The following NFYC variants were observed in gnomAD, a reference collection of about 807,000 sequenced individuals.
The protein encoded by NFYC is nuclear transcription factor Y subunit gamma, also known as CAAT box DNA-binding protein subunit C.
Under a neutral mutation model 53.1 loss-of-function variants are expected in NFYC, and 25 were observed. The ratio of observed to expected loss-of-function variants is 0.47; its 90% confidence interval spans 0.34 to 0.66. The LOEUF (loss-of-function observed/expected upper bound fraction) is 0.66, where lower values mean the gene tolerates loss of function less well. NFYC is among the 30% of genes least tolerant of loss of function. The pLI, the probability that NFYC is intolerant of heterozygous loss-of-function variation, is 0.01. For missense variants in NFYC, 260 were observed against 422.7 expected (o/e 0.62, Z 3.38); for synonymous variants, 145 against 152.6 (o/e 0.95, Z 0.37).
chr1:40,709,130 G>A (rs1643858289), intron 1 of NFYC, among the ~76,000 whole-genome samples: 2 of 152,310 alleles, frequency 1.3e-5, no homozygotes, highest in East Asian at 3.9e-4. Flanking sequence ...ACGCCTTAGA[G>A]TTCCCCATAG....
At chr1:40,754,484 C>G (rs1646101068) in intron 5 of NFYC, 1 of 523,894 alleles carries the variant, frequency 1.9e-6, no homozygotes, top group Non-Finnish European at 3.9e-6. Flanking sequence ...TGAAACATTG[C>G]AGGTTTGTGC....
intron 6 of NFYC, among the ~76,000 whole-genome samples, chr1:40,762,564 A>G (rs1646602998): frequency 6.6e-6 from 1 of 151,940 alleles, no homozygotes; most frequent in African/African-American, 2.4e-5. Flanking sequence ...GTTGCTTTTG[A>G]TTTTTTCTGT....
chr1:40,718,151 C>T, intron 1 of NFYC, among the ~76,000 whole-genome samples: 1 of 152,114 alleles, frequency 6.6e-6, no homozygotes, highest in East Asian at 1.9e-4. Flanking sequence ...TGAAGCTCCC[C>T]TTGAAGGTGG....
chr1:40,727,875 TAGA>T (rs35888850), intron 1 of NFYC, among the ~76,000 whole-genome samples: 32,548 of 151,842 alleles, frequency 0.21, 4,096 homozygotes, highest in South Asian at 0.41. Context: ...GAATCCTGTC[TAGA>T]AGGTTTTCAG....
chr1:40,726,125 G>GTGT (rs1359673815), intron 1 of NFYC, among the ~76,000 whole-genome samples: 1 of 126,370 alleles, frequency 7.9e-6, no homozygotes, highest in South Asian at 2.4e-4. Flanking sequence ...GTGTGTGTGT[G>GTGT]TTTTTTTTTG....
chr1:40,753,209 T>C lies in NFYC; in HGVS notation c.350T>C (p.Ile117Thr). Residue 117 changes from isoleucine (I) to threonine (T), a missense_variant, in exon 5 of 10, where the codon ATT becomes ACT. Physicochemically the swap from Ile to Thr is moderately conservative, Grantham distance 89. Coordinates refer to ENST00000447388, the MANE Select transcript of NFYC (RefSeq NM_014223.5). Reference protein sequence around the residue: ...KFDQFDFLIDIVPRDELKPPK... With the variant: ...KFDQFDFLIDTVPRDELKPPK... ...GATCAGTTTGATTTTCTCATCGATA[T>C]TGTTCCAAGAGATGAACTGAAACCT... 1 of 1,614,072 alleles carries C rather than the reference T, an allele frequency of 6.2e-7. No homozygotes were observed. Among genetic ancestry groups the C allele is most frequent in the Non-Finnish European group, 8.5e-7 (1 of 1,179,950 alleles).
intron 4 of NFYC, among the ~76,000 whole-genome samples, chr1:40,749,936 T>A (rs1645819993): frequency 6.6e-6 from 1 of 152,210 alleles, no homozygotes; most frequent in African/African-American, 2.4e-5. Flanking sequence ...AATTCTCTCC[T>A]GGTTTTCACA....
chr1:40,751,706 TTAAGTA>T (rs1259110380), intron 4 of NFYC, among the ~76,000 whole-genome samples: 1 of 152,194 alleles, frequency 6.6e-6, no homozygotes, highest in Non-Finnish European at 1.5e-5. Context: ...GAAGACCAAC[TTAAGTA>T]TATCTATGTT....
chr1:40,715,714 T>G (rs1644110902), intron 1 of NFYC, among the ~76,000 whole-genome samples: 1 of 152,144 alleles, frequency 6.6e-6, no homozygotes, highest in Non-Finnish European at 1.5e-5. Context: ...ACTTATAGTA[T>G]TTTTTCTAAA....
At chr1:40,734,128 G>A (rs980155422) in intron 1 of NFYC, among the ~76,000 whole-genome samples, 1 of 152,028 alleles carries the variant, frequency 6.6e-6, no homozygotes, top group African/African-American at 2.4e-5. Flanking sequence ...TGATTCTCCT[G>A]TCTCAGCCTC....
At chr1:40,747,857 T>TTTG (rs1645695292) in intron 3 of NFYC, among the ~76,000 whole-genome samples, 1 of 150,624 alleles carries the variant, frequency 6.6e-6, no homozygotes. Context: ...TTTTTTTTTT[T>TTTG]GAGAGTTTTA....
intron 4 of NFYC, 29 bp from the exon 5 acceptor site, chr1:40,753,122 A>T: frequency 6.4e-7 from 1 of 1,568,766 alleles, no homozygotes. Flanking sequence ...CCCCAGGCTA[A>T]TTTTTCACAC....
rs560243658 is a variant in NFYC, at chr1:40,739,355, A to G, written c.105+407A>G. On this transcript the variant is annotated intron_variant, in intron 2 of 9. Transcript: ENST00000447388. ...GGGCAATTTATTCAACAACAAATCT[A>G]TTGTGAGTCAGGAACTCTTTCTAGG... Among the ~76,000 whole-genome samples, 9 of 152,168 alleles carry G rather than the reference A, an allele frequency of 5.9e-5. No individual in the cohort carries two copies. The South Asian group carries it at 1.4e-3, about 24-fold the overall frequency.
At chr1:40,750,268 A>G (rs1191274620) in intron 4 of NFYC, among the ~76,000 whole-genome samples, 2 of 152,110 alleles carry the variant, frequency 1.3e-5, no homozygotes. Flanking sequence ...CTCTTAGAGG[A>G]AAGATTTCCC....
chr1:40,725,906 G>A (rs1030467867), intron 1 of NFYC, among the ~76,000 whole-genome samples: 1 of 152,190 alleles, frequency 6.6e-6, no homozygotes, highest in African/African-American at 2.4e-5. Context: ...TATTAAGTGT[G>A]CAACAGCATA....
chr1:40,760,080 C>T (rs996842246), intron 6 of NFYC, among the ~76,000 whole-genome samples: 3 of 152,134 alleles, frequency 2.0e-5, no homozygotes, highest in African/African-American at 2.4e-5. Context: ...CTCAGCCTCC[C>T]GAGGAGCTGG....
At chr1:40,758,702 A>G (rs891315050) in intron 6 of NFYC, among the ~76,000 whole-genome samples, 7 of 151,762 alleles carry the variant, frequency 4.6e-5, no homozygotes, top group Admixed American at 3.3e-4. Flanking sequence ...CAAGTTGCAT[A>G]CTCCTTCTCC....
At chr1:40,720,206 C>T (rs941849341) in intron 1 of NFYC, among the ~76,000 whole-genome samples, 2 of 152,104 alleles carry the variant, frequency 1.3e-5, no homozygotes, top group Non-Finnish European at 2.9e-5. Context: ...GGGAAGAATT[C>T]ACAGTGTATC....
intron 1 of NFYC, among the ~76,000 whole-genome samples, chr1:40,724,509 T>A (rs1382292838): frequency 6.6e-6 from 1 of 152,256 alleles, no homozygotes; most frequent in Non-Finnish European, 1.5e-5. Flanking sequence ...AAATACTTGA[T>A]CCTTTTTCTT....
Sources: gnomAD v4.1 joint callset for allele counts (sites outside exome capture counted in the v4.1 genomes callset) on GRCh38, gnomAD v4.1.1 for gene constraint, MANE v1.5 for transcripts, NCBI Gene and HGNC (gene_info 2026-07-23, HGNC 2026-07-21) for gene names.